Variants in EPSTI1 observed in about 807,000 individuals in gnomAD.
EPSTI1 encodes the protein epithelial stromal interaction 1.
A neutral mutation model predicts 49.9 loss-of-function variants in EPSTI1; 66 were observed. The ratio of observed to expected loss-of-function variants is 1.32; its 90% CI spans 1.08 to 1.62. EPSTI1 has a LOEUF of 1.62. Ranked by LOEUF, EPSTI1 falls within the 40% of genes most tolerant of loss-of-function variation. The pLI, the probability that EPSTI1 is intolerant of heterozygous loss-of-function variation, is 0.00. For missense variants in EPSTI1, 394 were observed against 365.5 expected (o/e 1.08, Z -0.64); for synonymous variants, 137 against 130.7 (o/e 1.05, Z -0.33).
intron 6 of EPSTI1, among the ~76,000 whole-genome samples, chr13:42,951,242 T>C (rs2039086889): frequency 6.6e-6 from 1 of 152,358 alleles, no homozygotes; most frequent in Non-Finnish European, 1.5e-5. Context: ...CAAAAACTTG[T>C]CATATAGACG....
chr13:42,897,767 A>C (rs971961382), intron 9 of EPSTI1, among the ~76,000 whole-genome samples: 1 of 152,216 alleles, frequency 6.6e-6, no homozygotes, highest in African/African-American at 2.4e-5. Context: ...GTGTGAGTCA[A>C]CCAGAGATAA....
At chr13:42,986,184 C>T (rs1335973076) in intron 1 of EPSTI1, among the ~76,000 whole-genome samples, 1 of 152,198 alleles carries the variant, frequency 6.6e-6, no homozygotes, top group Non-Finnish European at 1.5e-5. Flanking sequence ...CGTCAGCTGA[C>T]TATGCTCCCC....
At chr13:42,890,300 T>TCTTTTCTTTTC (rs534485822) in intron 10 of EPSTI1, among the ~76,000 whole-genome samples, 4 of 136,608 alleles carry the variant, frequency 2.9e-5, no homozygotes, top group Non-Finnish European at 6.2e-5. Context: ...TCTTTTCTTT[T>TCTTTTCTTTTC]TTTTTTTTTT....
intron 6 of EPSTI1, among the ~76,000 whole-genome samples, chr13:42,948,327 T>C (rs561204841): frequency 1.3e-5 from 2 of 152,132 alleles, no homozygotes; most frequent in East Asian, 3.9e-4. Context: ...AGAGGCTTGC[T>C]TGTCCTTGGA....
intron 6 of EPSTI1, among the ~76,000 whole-genome samples, chr13:42,926,990 G>GACACACACGCACAC (rs2038200887): frequency 6.9e-6 from 1 of 144,610 alleles, no homozygotes; most frequent in Non-Finnish European, 1.5e-5. Context: ...TCTGTTAACA[G>GACACACACGCACAC]ACACACACAC....
intron 1 of EPSTI1, among the ~76,000 whole-genome samples, chr13:42,984,664 A>G (rs11147895): frequency 0.49 from 73,784 of 152,100 alleles, 18,548 homozygotes; most frequent in South Asian, 0.61. Flanking sequence ...ATGCTTTTTA[A>G]GGAGAAAAGA....
intron 9 of EPSTI1, among the ~76,000 whole-genome samples, chr13:42,896,308 G>C (rs1374554167): frequency 6.6e-6 from 1 of 152,130 alleles, no homozygotes; most frequent in Non-Finnish European, 1.5e-5. Context: ...GAATCTCTCA[G>C]CATGCAGATA....
intron 6 of EPSTI1, among the ~76,000 whole-genome samples, chr13:42,927,969 C>A (rs1031280456): frequency 6.6e-6 from 1 of 152,196 alleles, no homozygotes; most frequent in Non-Finnish European, 1.5e-5. Flanking sequence ...CTGTGACAAG[C>A]AAGGAAGAAA....
chr13:42,907,348 T>G (rs952153310), intron 8 of EPSTI1, among the ~76,000 whole-genome samples: 11 of 152,242 alleles, frequency 7.2e-5, no homozygotes, highest in African/African-American at 2.7e-4. Context: ...CTGCATGGTA[T>G]TTATTCCAAA....
At chr13:42,970,377 G>A (rs1204790164) in intron 2 of EPSTI1, 2 of 400,898 alleles carry the variant, frequency 5.0e-6, no homozygotes, top group African/African-American at 4.1e-5. Flanking sequence ...CAAGCCAACA[G>A]AAATCCAGGA....
chr13:42,957,682 C>T (rs2039314327), intron 5 of EPSTI1, among the ~76,000 whole-genome samples: 1 of 152,140 alleles, frequency 6.6e-6, no homozygotes, highest in Non-Finnish European at 1.5e-5. Flanking sequence ...TTCAAGTGAT[C>T]CTCATGCCTC....
intron 8 of EPSTI1, among the ~76,000 whole-genome samples, chr13:42,912,299 C>CT (rs2153416373): frequency 6.6e-6 from 1 of 152,322 alleles, no homozygotes; most frequent in Non-Finnish European, 1.5e-5. Flanking sequence ...GAAAACTGCA[C>CT]TAAGAGCAGC....
chr13:42,904,483 T>C (rs2037443680), intron 8 of EPSTI1, among the ~76,000 whole-genome samples: 1 of 152,210 alleles, frequency 6.6e-6, no homozygotes, highest in Admixed American at 6.5e-5. Flanking sequence ...CCTAATTTAG[T>C]TTTTGGAAGT....
intron 7 of EPSTI1, among the ~76,000 whole-genome samples, chr13:42,926,087 G>T (rs113124288): frequency 3.9e-4 from 59 of 152,350 alleles, no homozygotes; most frequent in African/African-American, 1.4e-3. Flanking sequence ...ATGGGTGGAT[G>T]GGTGGGTGAA....
At chr13:42,987,345 G>A (rs975688418) in intron 1 of EPSTI1, among the ~76,000 whole-genome samples, 1 of 151,368 alleles carries the variant, frequency 6.6e-6, no homozygotes, top group South Asian at 2.1e-4. Context: ...CATATTTGAT[G>A]TCAGGAAAAA....
At chr13:42,931,117 C>T (rs2038349188) in intron 6 of EPSTI1, among the ~76,000 whole-genome samples, 1 of 151,650 alleles carries the variant, frequency 6.6e-6, no homozygotes, top group African/African-American at 2.4e-5. Context: ...TTTCCTCCTT[C>T]TATCTGATGA....
intron 7 of EPSTI1, chr13:42,919,306 G>A (rs1386799319): frequency 1.2e-6 from 2 of 1,613,650 alleles, no homozygotes; most frequent in Non-Finnish European, 1.7e-6. Context: ...TTACCCAGCT[G>A]TGATCCCTAG....
At chr13:42,960,935 G>C (rs2039430024) in intron 5 of EPSTI1, among the ~76,000 whole-genome samples, 1 of 152,178 alleles carries the variant, frequency 6.6e-6, no homozygotes, top group Non-Finnish European at 1.5e-5. Flanking sequence ...CAGTTGATTA[G>C]CAACCCTAAT....
intron 6 of EPSTI1, among the ~76,000 whole-genome samples, chr13:42,947,190 C>T (rs781771702): frequency 6.6e-6 from 1 of 152,130 alleles, no homozygotes; most frequent in Non-Finnish European, 1.5e-5. Flanking sequence ...CTAAAAACAA[C>T]ATTTCATATG....
Sources: gnomAD v4.1 joint callset for allele counts (sites outside exome capture counted in the v4.1 genomes callset) on GRCh38, gnomAD v4.1.1 for gene constraint, MANE v1.5 for transcripts, NCBI Gene and HGNC (gene_info 2026-07-23, HGNC 2026-07-21) for gene names.